ATP1A4: variants seen among roughly 807,000 people sequenced by gnomAD.
ATP1A4 encodes the protein ATPase Na+/K+ transporting subunit alpha 4.
ATP1A4 carries 90 observed loss-of-function variants against 114.3 expected under a neutral mutation model. The ratio of observed to expected loss-of-function variants is 0.79; its 90% CI spans 0.66 to 0.94. The LOEUF (loss-of-function observed/expected upper bound fraction) is 0.94, where lower values mean the gene tolerates loss of function less well. ATP1A4 is among the 40% of genes least tolerant of loss of function. ATP1A4 has a pLI of 0.00. For synonymous variants in ATP1A4, 511 were observed against 494.1 expected (o/e 1.03, Z -0.45); for missense variants, 1,222 against 1,313.6 (o/e 0.93, Z 1.08).
At chr1:160,155,472 A>C (rs1652615770) in intron 3 of ATP1A4, among the ~76,000 whole-genome samples, 4 of 152,140 alleles carry the variant, frequency 2.6e-5, no homozygotes, top group Admixed American at 2.6e-4. Context: ...AATTAATTAT[A>C]AAATGTAATT....
In ATP1A4 at chr1:160,159,150, G is replaced by C; in HGVS notation, c.660+14G>C. 1 of 1,611,812 alleles carries C rather than the reference G, an allele frequency of 6.2e-7. No individual in the cohort carries two copies. The highest frequency in any genetic ancestry group is 8.5e-7 in the Non-Finnish European group (1 of 1,178,708). On this transcript the variant is annotated intron_variant, in intron 5 of 21. Coordinates refer to ENST00000368081, the MANE Select transcript of ATP1A4 (RefSeq NM_144699.4). ...CAAGGATGTAAGGTGAGGGGATGCC[G>C]AAAGCTATGTGAGGGACCCAAGCGT...
At chr1:160,156,786 A>AAAT (rs544178610) in intron 4 of ATP1A4, among the ~76,000 whole-genome samples, 2 of 152,260 alleles carry the variant, frequency 1.3e-5, no homozygotes, top group East Asian at 3.9e-4. Flanking sequence ...CTGTCTCAAA[A>AAAT]AATAATAATA....
rs185963203 is a variant in ATP1A4 at position 160,155,583 on chromosome 1, A to T, written c.411+335A>T. On this transcript the variant is annotated intron_variant, in intron 3 of 21. Coordinates refer to ENST00000368081, the MANE Select transcript of ATP1A4 (RefSeq NM_144699.4). ...CCTAATACTCCACTTTCTAAGTTCC[A>T]TCTTGGTTCCTCTCACCTTTTAATC... 5.9e-5 allele frequency among the ~76,000 whole-genome samples: 9 copies of T among 152,254 alleles called. No homozygotes were observed. In the East Asian group the frequency reaches 1.7e-3, roughly 29 times the overall value.
At chr1:160,184,497 T>C (rs1264832361) in intron 20 of ATP1A4, among the ~76,000 whole-genome samples, 1 of 152,108 alleles carries the variant, frequency 6.6e-6, no homozygotes, top group Non-Finnish European at 1.5e-5. Context: ...CAGTGAGTTA[T>C]GATTGTACCA....
Position 160,173,684 on chromosome 1 carries a change from G to C in ATP1A4, c.1958G>C (p.Arg653Pro), listed in dbSNP as rs185068780. The part of the protein sequence containing the change: ...GTETAEEVAA[R>P]LKIPISKVDA... Reference sequence around the variant, plus strand: ...GAGACGGCAGAGGAAGTCGCTGCCCGGCTTAAGATCCCTATCAGCAAGGTC... The same window carrying C: ...GAGACGGCAGAGGAAGTCGCTGCCCCGCTTAAGATCCCTATCAGCAAGGTC... The change falls in exon 13 of 22, where the codon CGG becomes CCG. Residue 653 changes from arginine to proline, a missense_variant. Coordinates refer to ENST00000368081, the MANE Select transcript of ATP1A4 (RefSeq NM_144699.4). 13 of 1,613,966 alleles carry C rather than the reference G, an allele frequency of 8.1e-6. No homozygotes were observed. The highest frequency in any genetic ancestry group is 3.3e-5 in the Admixed American group (2 of 59,982).
rs1473863714 is a variant in ATP1A4 at position 160,174,234 on chromosome 1, C to T, written c.2115C>T (p.Leu705=). ...VFARTSPQQK[L]IIVEGCQRLG... is the part of the protein sequence containing the mutation. The stretch of plus-strand genomic sequence containing the variant: ...CTCGGACCTCCCCTCAGCAGAAGCT[C>T]ATCATTGTCGAGGGATGTCAGAGGC... The change falls in exon 14 of 22, where the codon CTC becomes CTT. Residue 705 remains leucine, a synonymous_variant. Coordinates refer to ENST00000368081, the MANE Select transcript of ATP1A4 (RefSeq NM_144699.4). The T allele has an allele frequency of 6.2e-7, 1 of 1,614,096 alleles. No individual in the cohort carries two copies. The highest frequency in any genetic ancestry group is 8.5e-7 in the Non-Finnish European group (1 of 1,180,016).
chr1:160,186,584 C>T, intron 21 of ATP1A4, 87 bp from the exon 22 acceptor site: 1 of 1,493,026 alleles, frequency 6.7e-7, no homozygotes, highest in Non-Finnish European at 9.2e-7. Flanking sequence ...CCACCTCCAA[C>T]CTTGTCCCTG....
chr1:160,181,570 AAAG>A, intron 18 of ATP1A4, 111 bp from the exon 19 acceptor site: 2 of 1,196,870 alleles, frequency 1.7e-6, no homozygotes, highest in Non-Finnish European at 1.1e-6. Flanking sequence ...AAAAAAAAAA[AAAG>A]AATGAGGACC....
At position 160,167,097 on chromosome 1, in the gene ATP1A4, G is replaced by A. The variant is rs1342375910; in HGVS notation, c.1356+20G>A. Reference sequence around the variant, plus strand: ...GCTAAGGTGTCAGGCCCAAGGGGAAGAGGGTACCTCAGTGTCCAGGGTGTA... The same window carrying A: ...GCTAAGGTGTCAGGCCCAAGGGGAAAAGGGTACCTCAGTGTCCAGGGTGTA... On this transcript the variant is annotated intron_variant, in intron 9 of 21. Transcript: ENST00000368081. 3 of 1,611,392 alleles carry A rather than the reference G, an allele frequency of 1.9e-6. No homozygotes were observed. Among genetic ancestry groups the A allele is most frequent in the Admixed American group, 1.7e-5 (1 of 60,004 alleles).
chr1:160,175,393 A>G (rs1226073609), intron 15 of ATP1A4, among the ~76,000 whole-genome samples: 1 of 151,954 alleles, frequency 6.6e-6, no homozygotes, highest in Non-Finnish European at 1.5e-5. Flanking sequence ...TTTGCTTGGT[A>G]TTTTATATCC....
chr1:160,177,663 G>A lies in ATP1A4; in HGVS notation c.2735G>A (p.Trp912Ter), dbSNP rs762620072. 6.8e-6 allele frequency: 11 copies of A among 1,614,182 alleles called. No individual in the cohort carries two copies. In the Admixed American group the frequency reaches 1.5e-4, roughly 22 times the overall value. The stretch of plus-strand genomic sequence containing the variant: ...CTGGAGGACAGCTACGGACAGCAGT[G>A]GGTGAGTAGAAGGGATAAGGTAGGA... ...NDLEDSYGQQ[W>*]TYEQRKVVEF... is the part of the protein sequence containing the mutation. The change falls in exon 18 of 22, where the codon TGG becomes TAG. Residue 912 changes from tryptophan to a stop codon, truncating the protein, a stop_gained and splice_region_variant. Coordinates refer to ENST00000368081, the MANE Select transcript of ATP1A4 (RefSeq NM_144699.4). LOFTEE classifies it high-confidence loss of function.
At chr1:160,180,340 G>A (rs10494337) in intron 18 of ATP1A4, among the ~76,000 whole-genome samples, 43,049 of 151,910 alleles carry the variant, frequency 0.28, 7,528 homozygotes, top group East Asian at 0.64. Context: ...GGTCCTACCT[G>A]TTTTCAAATT....
intron 6 of ATP1A4, among the ~76,000 whole-genome samples, chr1:160,162,627 C>T (rs1320164706): frequency 1.3e-5 from 2 of 152,212 alleles, no homozygotes; most frequent in East Asian, 1.9e-4. Context: ...GGCCTCTACC[C>T]ACTGCATGCC....
At chr1:160,173,020 G>A (rs989194114) in intron 12 of ATP1A4, among the ~76,000 whole-genome samples, 4 of 152,296 alleles carry the variant, frequency 2.6e-5, no homozygotes, top group South Asian at 4.1e-4. Flanking sequence ...GGCAAGTGCT[G>A]AAATATGGCA....
intron 3 of ATP1A4, among the ~76,000 whole-genome samples, 180 bp downstream of exon 3, chr1:160,155,428 C>CAATGTAATTGATTAATTACATTGTAATG (rs1306269742): frequency 4.6e-5 from 7 of 151,214 alleles, no homozygotes; most frequent in East Asian, 3.9e-4. Flanking sequence ...TAATTAATTA[C>CAATGTAATTGATTAATTACATTGTAATG]AATGTAATTG....
chr1:160,173,830 T>C lies in ATP1A4; in HGVS notation c.1991+113T>C. ...AGTCTCCTTCAATAGGTAGGATGTG[T>C]GGGGTTTACACTACAAAGTAAAACA... is the stretch of plus-strand genomic sequence containing the variant. On this transcript the variant is annotated intron_variant, in intron 13 of 21. Transcript: ENST00000368081. The C allele has an allele frequency of 3.7e-6, 5 of 1,355,608 alleles. No homozygotes were observed. The South Asian group carries it at 5.5e-5, about 15-fold the overall frequency. The allele number at this position is 1,355,608 out of a possible 1,614,324, so 84.0% of individuals were successfully genotyped here.
chr1:160,174,858 G>A (rs1037075428), intron 15 of ATP1A4, 111 bp downstream of exon 15: 29 of 1,481,760 alleles, frequency 2.0e-5, no homozygotes, highest in East Asian at 1.6e-4. Flanking sequence ...GAGCCTGTAC[G>A]GGCTCAGAAG....
At chr1:160,182,899 C>G (rs533742168) in intron 20 of ATP1A4, 39 of 152,312 alleles carry the variant, frequency 2.6e-4, no homozygotes, top group African/African-American at 9.4e-4. Context: ...TCTCGAACTC[C>G]TGACCTCAGG....
intron 10 of ATP1A4, chr1:160,170,916 T>C (rs942320184): frequency 2.9e-5 from 6 of 210,336 alleles, no homozygotes; most frequent in Non-Finnish European, 4.7e-5. Flanking sequence ...GTCTACTCTC[T>C]TTTCTTTCTT....
Sources: gnomAD v4.1 joint callset for allele counts (sites outside exome capture counted in the v4.1 genomes callset) on GRCh38, gnomAD v4.1.1 for gene constraint, MANE v1.5 for transcripts, NCBI Gene and HGNC (gene_info 2026-07-23, HGNC 2026-07-21) for gene names.